Variants in DCAF6 observed in about 807,000 individuals in gnomAD.
DCAF6 encodes the protein DDB1- and CUL4-associated factor 6.
Under a neutral mutation model 125.1 loss-of-function variants are expected in DCAF6, and 54 were observed. The observed-to-expected ratio is 0.43, with a 90% CI of 0.35 to 0.54. The LOEUF (loss-of-function observed/expected upper bound fraction) is 0.54. DCAF6 is among the 20% of genes least tolerant of loss of function. The pLI, the probability that DCAF6 is intolerant of heterozygous loss-of-function variation, is 0.01. For missense variants in DCAF6, 934 were observed against 1,161.7 expected (o/e 0.80, Z 2.85); for synonymous variants, 371 against 390.4 (o/e 0.95, Z 0.58).
intron 10 of DCAF6, among the ~76,000 whole-genome samples, chr1:168,006,956 C>T (rs1683414804): frequency 6.6e-6 from 1 of 152,134 alleles, no homozygotes; most frequent in Admixed American, 6.6e-5. Context: ...AAGTTATGAC[C>T]ACAAATTTCA....
At chr1:167,908,052 C>T in the DCAF6 span, among the ~76,000 whole-genome samples, 3 of 152,204 alleles carry the variant, frequency 2.0e-5, no homozygotes, top group African/African-American at 7.2e-5. Context: ...CTAACAATCC[C>T]ACATCTGGGT....
chr1:167,963,451 T>C (rs1358911844), intron 2 of DCAF6, among the ~76,000 whole-genome samples: 47 of 112,956 alleles, frequency 4.2e-4, no homozygotes, highest in South Asian at 1.7e-3. Flanking sequence ...TTTTTTTTTT[T>C]CCCTTTTGAG....
the DCAF6 span, among the ~76,000 whole-genome samples, chr1:167,922,950 T>C: frequency 2.6e-5 from 4 of 152,190 alleles, no homozygotes; most frequent in African/African-American, 9.6e-5. Context: ...AATAAGTATA[T>C]GTTCAGCATG....
At chr1:167,995,215 T>A (rs1426575108) in intron 7 of DCAF6, among the ~76,000 whole-genome samples, 1 of 152,188 alleles carries the variant, frequency 6.6e-6, no homozygotes, top group African/African-American at 2.4e-5. Context: ...CCATAGACAT[T>A]TTAAGTGGGC....
intron 4 of DCAF6, among the ~76,000 whole-genome samples, 182 bp downstream of exon 4, chr1:167,975,197 C>T (rs372615689): frequency 2.0e-5 from 3 of 152,080 alleles, no homozygotes; most frequent in African/African-American, 7.2e-5. Context: ...TCTTGATAGG[C>T]TTCTGGATAA....
chr1:167,875,202 A>G, the DCAF6 span: 2 of 1,613,390 alleles, frequency 1.2e-6, no homozygotes, highest in East Asian at 2.2e-5. Context: ...GAGAAGAACA[A>G]AAGAACAGAT....
chr1:167,871,969 A>G, the DCAF6 span, among the ~76,000 whole-genome samples: 1 of 152,246 alleles, frequency 6.6e-6, no homozygotes, highest in Non-Finnish European at 1.5e-5. Context: ...ATGTATACAT[A>G]TGTAACAAAC....
At chr1:167,884,025 C>T in the DCAF6 span, among the ~76,000 whole-genome samples, 1 of 152,142 alleles carries the variant, frequency 6.6e-6, no homozygotes, top group African/African-American at 2.4e-5. Flanking sequence ...TATTTTGATA[C>T]AGGCATGCAA....
At chr1:167,875,732 C>T in the DCAF6 span, among the ~76,000 whole-genome samples, 7 of 151,730 alleles carry the variant, frequency 4.6e-5, no homozygotes, top group African/African-American at 1.5e-4. Context: ...GGGCAGATCA[C>T]GAGGTCAGGA....
chr1:167,953,016 T>C (rs1434569685), intron 2 of DCAF6, among the ~76,000 whole-genome samples: 4 of 152,238 alleles, frequency 2.6e-5, no homozygotes, highest in South Asian at 2.1e-4. Flanking sequence ...GCTGAAGATA[T>C]ATTATTTTAC....
chr1:168,029,975 G>A (rs1325290787), intron 12 of DCAF6, among the ~76,000 whole-genome samples: 4 of 138,916 alleles, frequency 2.9e-5, no homozygotes, highest in African/African-American at 5.3e-5. Context: ...GCAAGACTCC[G>A]TCTCAAAAAA....
At chr1:168,011,642 G>A (rs1449912056) in intron 10 of DCAF6, among the ~76,000 whole-genome samples, 1 of 152,154 alleles carries the variant, frequency 6.6e-6, no homozygotes, top group African/African-American at 2.4e-5. Context: ...TAAAGGTCTA[G>A]TCTAGTCTAG....
At chr1:168,028,098 T>C (rs950718602) in intron 12 of DCAF6, among the ~76,000 whole-genome samples, 1 of 152,166 alleles carries the variant, frequency 6.6e-6, no homozygotes, top group Non-Finnish European at 1.5e-5. Flanking sequence ...GTAATGTCCA[T>C]CATGCATCTT....
intron 4 of DCAF6, among the ~76,000 whole-genome samples, chr1:167,978,193 C>A (rs1189802123): frequency 6.6e-6 from 1 of 152,120 alleles, no homozygotes; most frequent in Non-Finnish European, 1.5e-5. Context: ...TTTTACGTGT[C>A]TTTTCAGTAC....
intron 19 of DCAF6, 24 bp from the exon 20 acceptor site, chr1:168,066,353 T>G (rs772570780): frequency 6.8e-7 from 1 of 1,473,674 alleles, no homozygotes; most frequent in Non-Finnish European, 9.3e-7. Context: ...AGGCTTCATA[T>G]TAATATATAA....
intron 7 of DCAF6, among the ~76,000 whole-genome samples, chr1:168,000,608 G>A (rs1033582832): frequency 1.4e-4 from 21 of 152,182 alleles, no homozygotes; most frequent in African/African-American, 4.3e-4. Context: ...AAGTTTGTTC[G>A]TCAACCAATT....
At chr1:167,981,688 T>C (rs1023876970) in intron 4 of DCAF6, among the ~76,000 whole-genome samples, 2 of 152,220 alleles carry the variant, frequency 1.3e-5, no homozygotes, top group African/African-American at 4.8e-5. Flanking sequence ...AGCTGCATCT[T>C]AGTTGCTGCA....
the DCAF6 span, among the ~76,000 whole-genome samples, chr1:167,897,649 C>A: frequency 1 from 2,896 of 2,896 alleles, 1,448 homozygotes; most frequent in Non-Finnish European, 1. Flanking sequence ...ACGGTCACTG[C>A]AAGACAACGG....
chr1:167,888,891 G>A, the DCAF6 span, among the ~76,000 whole-genome samples: 70,092 of 137,944 alleles, frequency 0.51, 18,668 homozygotes, highest in Middle Eastern at 0.62. Context: ...AAAAAAAAAA[G>A]AAAAAGAAAG....
Sources: gnomAD v4.1 joint callset for allele counts (sites outside exome capture counted in the v4.1 genomes callset) on GRCh38, gnomAD v4.1.1 for gene constraint, MANE v1.5 for transcripts, NCBI Gene and HGNC (gene_info 2026-07-23, HGNC 2026-07-21) for gene names.